The following ROBO2 variants were observed in gnomAD, a reference collection of about 807,000 sequenced individuals.
ROBO2 encodes the protein roundabout homolog 2.
ROBO2 carries 53 observed loss-of-function variants against 160.8 expected under a neutral mutation model. The ratio of observed to expected loss-of-function variants is 0.33; its 90% CI spans 0.26 to 0.41. ROBO2 has a LOEUF of 0.41. Among genes scored for constraint, ROBO2 ranks in the 10% least tolerant of loss-of-function variants. The pLI, the probability that ROBO2 is intolerant of heterozygous loss-of-function variation, is 1.00. For missense variants in ROBO2, 1,577 were observed against 1,722.4 expected (o/e 0.92, Z 1.49); for synonymous variants, 664 against 611.7 (o/e 1.09, Z -1.26).
At chr3:76,925,462 A>G (rs973838718) in intron 2 of ROBO2, among the ~76,000 whole-genome samples, 6 of 152,158 alleles carry the variant, frequency 3.9e-5, no homozygotes, top group Non-Finnish European at 8.8e-5. Flanking sequence ...TTACTAAAAT[A>G]TCAAGATAGT....
At chr3:76,636,787 A>G (rs1367390883) in intron 2 of ROBO2, among the ~76,000 whole-genome samples, 2 of 152,150 alleles carry the variant, frequency 1.3e-5, no homozygotes, top group African/African-American at 4.8e-5. Flanking sequence ...TGTGTTGTTT[A>G]TAGATCATAG....
intron 2 of ROBO2, among the ~76,000 whole-genome samples, chr3:76,800,253 A>C (rs1349980543): frequency 6.6e-6 from 1 of 152,196 alleles, no homozygotes; most frequent in Non-Finnish European, 1.5e-5. Flanking sequence ...TTTAAACCTC[A>C]AACTGTAAAA....
chr3:77,083,448 A>G, intron 1 of ROBO2, among the ~76,000 whole-genome samples: 1 of 152,180 alleles, frequency 6.6e-6, no homozygotes, highest in Non-Finnish European at 1.5e-5. Context: ...TGGGCAACCT[A>G]CTTTGTGTTT....
At chr3:76,314,870 G>T (rs923519353) in intron 2 of ROBO2, among the ~76,000 whole-genome samples, 1 of 151,940 alleles carries the variant, frequency 6.6e-6, no homozygotes, top group Non-Finnish European at 1.5e-5. Context: ...CTGGCACAGG[G>T]GTCAGTGGCT....
At chr3:76,503,025 C>T (rs13318836) in intron 2 of ROBO2, among the ~76,000 whole-genome samples, 7,452 of 114,052 alleles carry the variant, frequency 0.065, 608 homozygotes, top group African/African-American at 0.19. Context: ...TGTGTGCGCG[C>T]GCACGCATGT....
At chr3:77,003,186 T>G (rs1222597313) in intron 2 of ROBO2, among the ~76,000 whole-genome samples, 2 of 152,194 alleles carry the variant, frequency 1.3e-5, no homozygotes, top group African/African-American at 2.4e-5. Flanking sequence ...GCAATAACCT[T>G]CATGAAATAA....
chr3:76,326,715 C>T (rs941719187), intron 2 of ROBO2, among the ~76,000 whole-genome samples: 1 of 150,822 alleles, frequency 6.6e-6, no homozygotes, highest in Non-Finnish European at 1.5e-5. Flanking sequence ...GTGTGCTGCA[C>T]CCACTAACTC....
At chr3:76,843,545 ATCT>A (rs1379714928) in intron 2 of ROBO2, among the ~76,000 whole-genome samples, 2 of 152,010 alleles carry the variant, frequency 1.3e-5, no homozygotes, top group Non-Finnish European at 2.9e-5. Context: ...GCATTATATT[ATCT>A]TCTTCTTGAG....
intron 1 of ROBO2, among the ~76,000 whole-genome samples, chr3:77,058,313 C>T (rs1476163382): frequency 2.0e-5 from 3 of 152,070 alleles, no homozygotes; most frequent in Non-Finnish European, 2.9e-5. Context: ...TGGAAAGTTC[C>T]AGCTAAATAT....
chr3:76,979,667 G>A (rs1023391362), intron 2 of ROBO2, among the ~76,000 whole-genome samples: 3 of 151,080 alleles, frequency 2.0e-5, no homozygotes, highest in Admixed American at 6.6e-5. Flanking sequence ...ACACTCAGTA[G>A]TGGGGTAGTG....
At chr3:76,377,879 G>A (rs185873641) in intron 2 of ROBO2, among the ~76,000 whole-genome samples, 1 of 152,054 alleles carries the variant, frequency 6.6e-6, no homozygotes, top group Non-Finnish European at 1.5e-5. Context: ...TGATTACACT[G>A]TCATCAGTAT....
chr3:76,384,120 C>A (rs2076767586), intron 2 of ROBO2, among the ~76,000 whole-genome samples: 1 of 152,222 alleles, frequency 6.6e-6, no homozygotes, highest in African/African-American at 2.4e-5. Flanking sequence ...TCAACGCTTT[C>A]TTTGCCAACC....
intron 23 of ROBO2, among the ~76,000 whole-genome samples, chr3:77,628,447 T>TG (rs11400323): frequency 0.16 from 22,246 of 137,776 alleles, 1,767 homozygotes; most frequent in East Asian, 0.27. Flanking sequence ...TCTCTTTTTG[T>TG]GGGGGGGGGG....
At chr3:76,194,401 C>T (rs373145914) in intron 2 of ROBO2, among the ~76,000 whole-genome samples, 3 of 120,752 alleles carry the variant, frequency 2.5e-5, no homozygotes, top group African/African-American at 9.1e-5. Flanking sequence ...GAGGACAAAG[C>T]TGGACTTGTT....
intron 2 of ROBO2, among the ~76,000 whole-genome samples, chr3:76,355,232 A>G (rs1042920195): frequency 1.1e-4 from 16 of 151,794 alleles, no homozygotes; most frequent in African/African-American, 3.9e-4. Flanking sequence ...CAGATAATGT[A>G]TCTTCTGTTT....
intron 2 of ROBO2, among the ~76,000 whole-genome samples, chr3:76,703,796 C>A (rs1468065549): frequency 3.3e-5 from 5 of 152,074 alleles, no homozygotes; most frequent in African/African-American, 1.2e-4. Context: ...CAACTCTTTG[C>A]TATTGTGAAT....
intron 2 of ROBO2, among the ~76,000 whole-genome samples, chr3:77,388,606 T>C (rs1308066082): frequency 2.6e-5 from 4 of 152,200 alleles, no homozygotes; most frequent in Non-Finnish European, 5.9e-5. Flanking sequence ...TTTTAATTTT[T>C]ATTCTGTGTT....
intron 2 of ROBO2, among the ~76,000 whole-genome samples, chr3:77,213,280 T>G (rs1455384114): frequency 6.6e-6 from 1 of 152,194 alleles, no homozygotes; most frequent in African/African-American, 2.4e-5. Context: ...TATTCAGAGA[T>G]TCAACTTCTT....
chr3:77,359,753 A>T (rs543084215), intron 2 of ROBO2, among the ~76,000 whole-genome samples: 1 of 152,286 alleles, frequency 6.6e-6, no homozygotes, highest in South Asian at 2.1e-4. Context: ...ATAACAGCTC[A>T]GTGCAGCCTC....
Sources: gnomAD v4.1 joint callset for allele counts (sites outside exome capture counted in the v4.1 genomes callset) on GRCh38, gnomAD v4.1.1 for gene constraint, MANE v1.5 for transcripts, NCBI Gene and HGNC (gene_info 2026-07-23, HGNC 2026-07-21) for gene names.